The following SLC23A2 variants were observed in gnomAD, a reference collection of about 807,000 sequenced individuals.
The protein encoded by SLC23A2 is Na(+)/L-ascorbic acid transporter 2.
In SLC23A2, 36 loss-of-function variants were observed where a neutral mutation model predicts 73.3. The observed-to-expected ratio is 0.49, with a 90% CI of 0.38 to 0.65. The LOEUF is 0.65. Ranked by LOEUF, SLC23A2 falls within the 30% of genes least tolerant of loss-of-function variation. The probability of loss-of-function intolerance (pLI) is 0.00; values close to 1 mark genes in which losing one functional copy is unlikely to be tolerated. For missense variants in SLC23A2, 507 were observed against 841.6 expected, an observed-to-expected ratio of 0.60 and a Z score of 4.92; for synonymous variants, 343 against 327.3, an observed-to-expected ratio of 1.05 and a Z score of -0.52.
intron 3 of SLC23A2, among the ~76,000 whole-genome samples, chr20:4,921,756 T>C (rs1482717373): frequency 6.6e-6 from 1 of 151,968 alleles, no homozygotes; most frequent in African/African-American, 2.4e-5. Flanking sequence ...GTGAACTTAT[T>C]TCTCTTGTAA....
At chr20:4,882,879 C>T (rs1475368409) in intron 9 of SLC23A2, among the ~76,000 whole-genome samples, 1 of 152,184 alleles carries the variant, frequency 6.6e-6, no homozygotes, top group African/African-American at 2.4e-5. Flanking sequence ...AGGAGTTGTA[C>T]TGGCTGGTTA....
Position 4,998,062 on chromosome 20 carries a change from C to G in SLC23A2, c.-282+3344G>C, listed in dbSNP as rs1025596800. On this transcript the variant is annotated intron_variant, in intron 1 of 16. Transcript: ENST00000338244. The surrounding 1 kb of genome is among the most constrained non-coding windows in gnomAD (Gnocchi z 4.1). ...GGACTTCCCAGACTCCAGAATTATA[C>G]GAAACAAATTTCCGTTGTTTAAGCC... Among the ~76,000 whole-genome samples, 3 of 152,156 alleles carry G rather than the reference C, an allele frequency of 2.0e-5. No individual in the cohort carries two copies. The highest frequency in any genetic ancestry group is 1.9e-4 in the East Asian group (1 of 5,198).
chr20:4,928,969 G>A (rs1932754675), intron 3 of SLC23A2, among the ~76,000 whole-genome samples: 1 of 152,184 alleles, frequency 6.6e-6, no homozygotes, highest in Non-Finnish European at 1.5e-5. Flanking sequence ...AAACATGTAT[G>A]GGCTGGGCAC....
intron 2 of SLC23A2, among the ~76,000 whole-genome samples, chr20:4,937,994 A>C (rs1377987485): frequency 6.6e-6 from 1 of 150,486 alleles, no homozygotes; most frequent in Non-Finnish European, 1.5e-5. Flanking sequence ...TCTCATCAAC[A>C]TCACAACAGC....
At chr20:5,008,198 C>T (rs1379586900) in intron 1 of SLC23A2, among the ~76,000 whole-genome samples, 1 of 152,146 alleles carries the variant, frequency 6.6e-6, no homozygotes, top group East Asian at 1.9e-4. Context: ...GTGTGAGCCA[C>T]CACGCCCAGC....
Position 4,868,468 on chromosome 20 carries a change from G to A in SLC23A2, c.1251-593C>T, listed in dbSNP as rs1330391020. Among the ~76,000 whole-genome samples, 2 of 152,142 alleles carry A rather than the reference G, an allele frequency of 1.3e-5. No individual in the cohort carries two copies. Among genetic ancestry groups the A allele is most frequent in the South Asian group, 2.1e-4 (1 of 4,826 alleles). On this transcript the variant is annotated intron_variant, in intron 12 of 16. Transcript: ENST00000338244. The surrounding 1 kb of genome is among the most constrained non-coding windows in gnomAD (Gnocchi z 4.4). The stretch of plus-strand genomic sequence containing the variant: ...TAGATTTGAGTGTTTTTAAATCACC[G>A]CAAATGAAAGCAAAGGATTTTAGCC...
At chr20:4,895,537 T>C (rs765458334) in intron 6 of SLC23A2, among the ~76,000 whole-genome samples, 3 of 151,990 alleles carry the variant, frequency 2.0e-5, no homozygotes, top group Admixed American at 6.5e-5. Flanking sequence ...AAAAACACAA[T>C]AGATTCATTA....
intron 2 of SLC23A2, among the ~76,000 whole-genome samples, chr20:4,954,783 G>C (rs1205927271): frequency 6.6e-6 from 1 of 150,568 alleles, no homozygotes; most frequent in Non-Finnish European, 1.5e-5. Flanking sequence ...AAAACTCTTA[G>C]CACATTACAC....
chr20:5,002,044 C>T (rs2088135658), upstream of SLC23A2, among the ~76,000 whole-genome samples: 1 of 152,146 alleles, frequency 6.6e-6, no homozygotes, highest in African/African-American at 2.4e-5. Context: ...CGTGAATTCT[C>T]TGGGGGTCGT....
intron 6 of SLC23A2, among the ~76,000 whole-genome samples, chr20:4,898,689 G>A (rs1931638531): frequency 6.6e-6 from 1 of 152,196 alleles, no homozygotes; most frequent in South Asian, 2.1e-4. Flanking sequence ...AGATAAGGAT[G>A]TTTCTCTTCC....
chr20:4,902,730 C>T lies in SLC23A2; in HGVS notation c.208-172G>A, dbSNP rs1024391159. On this transcript the variant is annotated intron_variant, in intron 4 of 16. Coordinates refer to ENST00000338244, the MANE Select transcript of SLC23A2 (RefSeq NM_005116.6). The surrounding 1 kb of genome is among the most constrained non-coding windows in gnomAD (Gnocchi z 4.0). Reference sequence around the variant, plus strand: ...CCAAGTATTCTCTTTGGCTCAAGTACAGTCGCCCACCGGGATGGTCAATCC... The same window carrying T: ...CCAAGTATTCTCTTTGGCTCAAGTATAGTCGCCCACCGGGATGGTCAATCC... Among the ~76,000 whole-genome samples, 9 of 151,990 alleles carry T rather than the reference C, an allele frequency of 5.9e-5. No individual in the cohort carries two copies. Among genetic ancestry groups the T allele is most frequent in the Non-Finnish European group, 1.3e-4 (9 of 67,984 alleles).
chr20:5,007,892 A>T (rs1028378362), intron 1 of SLC23A2, among the ~76,000 whole-genome samples: 7 of 152,044 alleles, frequency 4.6e-5, no homozygotes, highest in African/African-American at 1.4e-4. Context: ...TTGTGATAAA[A>T]TATATGTATA....
At chr20:4,874,831 C>A in intron 9 of SLC23A2, 135 bp from the exon 10 acceptor site, 1 of 624,764 alleles carries the variant, frequency 1.6e-6, no homozygotes, top group Non-Finnish European at 2.6e-6. Flanking sequence ...CTCTGAACTA[C>A]CATTTGAGAA....
Position 4,982,644 on chromosome 20 carries a change from TA to T in SLC23A2, c.-281-11726del, listed in dbSNP as rs141231885. Among the ~76,000 whole-genome samples, 893 of 152,226 alleles carry T rather than the reference TA, an allele frequency of 5.9e-3. 7 individuals carry two copies. The highest frequency in any genetic ancestry group is 0.02 in the African/African-American group (835 of 41,546). On this transcript the variant is annotated intron_variant, in intron 1 of 16. Transcript: ENST00000338244. ...AGCTATACTAATTAAGACAGTGTGG[TA>T]TAAGTACATACAAAGATACTAGGAT...
intron 6 of SLC23A2, among the ~76,000 whole-genome samples, chr20:4,897,031 A>C (rs184979707): frequency 1.2e-4 from 18 of 152,210 alleles, no homozygotes; most frequent in Non-Finnish European, 1.2e-4. Context: ...AGTCCCCTGG[A>C]GGATGCACTG....
intron 1 of SLC23A2, among the ~76,000 whole-genome samples, chr20:4,987,375 T>C (rs2087847366): frequency 6.6e-6 from 1 of 152,074 alleles, no homozygotes; most frequent in African/African-American, 2.4e-5. Context: ...ACAGAAGCCC[T>C]GGGGACAAAC....
intron 4 of SLC23A2, among the ~76,000 whole-genome samples, chr20:4,903,112 G>T (rs779062650): frequency 6.6e-6 from 1 of 151,818 alleles, no homozygotes; most frequent in African/African-American, 2.4e-5. Flanking sequence ...ATATAAACAC[G>T]GTGATTTGAA....
At position 4,998,951 on chromosome 20, in the gene SLC23A2, T is replaced by G. The variant is rs1306008961; in HGVS notation, c.-282+2455A>C. On this transcript the variant is annotated intron_variant, in intron 1 of 16. Coordinates refer to ENST00000338244, the MANE Select transcript of SLC23A2 (RefSeq NM_005116.6). The surrounding 1 kb of genome is among the most constrained non-coding windows in gnomAD (Gnocchi z 4.1). ...TCCTGAGTAGCCGGAAATACAGGCATGCGCCACCATGCCCGGCTAACTTTT... is the reference window on the plus strand; with the variant it reads ...TCCTGAGTAGCCGGAAATACAGGCAGGCGCCACCATGCCCGGCTAACTTTT... 6.6e-6 allele frequency among the ~76,000 whole-genome samples: 1 copy of G among 152,090 alleles called. No homozygotes were observed. Among genetic ancestry groups the G allele is most frequent in the Non-Finnish European group, 1.5e-5 (1 of 68,008 alleles).
intron 3 of SLC23A2, among the ~76,000 whole-genome samples, chr20:4,927,992 G>A (rs1487868498): frequency 6.6e-6 from 1 of 152,172 alleles, no homozygotes; most frequent in Non-Finnish European, 1.5e-5. Flanking sequence ...ACTTAGGGTA[G>A]CAATTTCACT....
Sources: allele counts gnomAD v4.1 joint callset (sites outside exome capture counted in the v4.1 genomes callset), GRCh38; gene constraint gnomAD v4.1.1; non-coding constraint Gnocchi (gnomAD v3.1); transcripts MANE v1.5; gene names NCBI Gene and HGNC (gene_info 2026-07-23, HGNC 2026-07-21).